The following CLEC9A variants were observed in gnomAD, a reference collection of about 807,000 sequenced individuals.
CLEC9A encodes C-type lectin domain containing 9A.
A neutral mutation model predicts 30.0 loss-of-function variants in CLEC9A; 24 were observed. That is an observed-to-expected ratio of 0.80 (90% CI 0.58 to 1.13). The LOEUF (loss-of-function observed/expected upper bound fraction) is 1.13. CLEC9A is among the 50% of genes most tolerant of loss of function. The pLI, the probability that CLEC9A is intolerant of heterozygous loss-of-function variation, is 0.00. For missense variants in CLEC9A, 251 were observed against 280.9 expected (o/e 0.89, Z 0.76); for synonymous variants, 111 against 96.8 (o/e 1.15, Z -0.86).
At chr12:10,052,463 C>G in intron 3 of CLEC9A, 167 bp from the exon 4 acceptor site, 1 of 1,213,952 alleles carries the variant, frequency 8.2e-7, no homozygotes, top group Non-Finnish European at 1.0e-6. Context: ...ATTCAGTTCT[C>G]TCTCATTTCC....
chr12:10,055,304 G>A (rs1179705671), intron 5 of CLEC9A, among the ~76,000 whole-genome samples: 2 of 152,076 alleles, frequency 1.3e-5, no homozygotes, highest in East Asian at 1.9e-4. Context: ...CGCTTTTTAA[G>A]AAGCACACAT....
chr12:10,056,154 C>G (rs1284316934), intron 5 of CLEC9A, among the ~76,000 whole-genome samples: 1 of 146,844 alleles, frequency 6.8e-6, no homozygotes. Context: ...TCTTCTCCAT[C>G]TAGTAAACGA....
chr12:10,045,501 G>T, intron 2 of CLEC9A: 1 of 234,830 alleles, frequency 4.3e-6, no homozygotes, highest in Admixed American at 4.1e-5. Flanking sequence ...GCTTTCTGAA[G>T]ATGGAAAAGG....
intron 2 of CLEC9A, among the ~76,000 whole-genome samples, chr12:10,048,321 G>A (rs1414723886): frequency 4.7e-5 from 7 of 148,814 alleles, no homozygotes; most frequent in East Asian, 2.0e-4. Context: ...GCAGTGAGCC[G>A]AGATCGCGAC....
At chr12:10,039,189 G>T (rs1042528975) in intron 1 of CLEC9A, among the ~76,000 whole-genome samples, 1 of 152,202 alleles carries the variant, frequency 6.6e-6, no homozygotes, top group Admixed American at 6.5e-5. Flanking sequence ...CATGGGGATG[G>T]TTGTCGGGCT....
intron 1 of CLEC9A, among the ~76,000 whole-genome samples, chr12:10,032,935 GCTTA>G (rs1404200770): frequency 1.3e-5 from 2 of 151,792 alleles, no homozygotes; most frequent in Non-Finnish European, 2.9e-5. Context: ...ATCTCTCTGT[GCTTA>G]CTGTTTCATC....
At chr12:10,033,032 C>A (rs1404687052) in intron 1 of CLEC9A, among the ~76,000 whole-genome samples, 5 of 152,054 alleles carry the variant, frequency 3.3e-5, no homozygotes, top group African/African-American at 1.2e-4. Flanking sequence ...TTAACCTCCA[C>A]ATGAACACAT....
At chr12:10,032,676 C>T (rs1289553521) in intron 1 of CLEC9A, among the ~76,000 whole-genome samples, 1 of 152,112 alleles carries the variant, frequency 6.6e-6, no homozygotes, top group African/African-American at 2.4e-5. Flanking sequence ...CAGGTGTGAG[C>T]CACCGCGCCC....
In CLEC9A at chr12:10,065,564, C is replaced by CT. The variant is rs1270606598; in HGVS notation, c.661dup (p.Ser221PhefsTer3). On this transcript the variant is annotated frameshift_variant, in exon 9 of 9. Transcript: ENST00000355819. LOFTEE classifies it low-confidence loss of function (END_TRUNC). ...TGGATACGTGAAAAGCAATTCCCTT[C>CT]TTTCGTCTAACTGCAGCACGTGGAA... The CT allele has an allele frequency of 1.2e-6, 2 of 1,613,966 alleles. No homozygotes were observed. The highest frequency in any genetic ancestry group is 3.3e-5 in the Admixed American group (2 of 59,996).
At chr12:10,040,098 T>C (rs1865779331) in intron 1 of CLEC9A, among the ~76,000 whole-genome samples, 1 of 152,216 alleles carries the variant, frequency 6.6e-6, no homozygotes, top group Admixed American at 6.5e-5. Flanking sequence ...TCTGGGATTA[T>C]AGGCATGAGT....
chr12:10,043,669 T>C (rs916871702), intron 2 of CLEC9A, among the ~76,000 whole-genome samples: 2 of 16,144 alleles, frequency 1.2e-4, no homozygotes, highest in African/African-American at 1.8e-4. Context: ...TGCATATATA[T>C]GTATATATAT....
At chr12:10,042,151 AT>A (rs1435105004) in intron 2 of CLEC9A, among the ~76,000 whole-genome samples, 1 of 152,210 alleles carries the variant, frequency 6.6e-6, no homozygotes, top group African/African-American at 2.4e-5. Flanking sequence ...TATTCATGCA[AT>A]TTTTTTGAGA....
chr12:10,057,008 T>A (rs909829053), intron 5 of CLEC9A, among the ~76,000 whole-genome samples: 2 of 152,146 alleles, frequency 1.3e-5, no homozygotes, highest in East Asian at 3.8e-4. Context: ...TTTATTGTTG[T>A]TGTTTTTAAA....
chr12:10,050,527 G>C (rs899499700), intron 2 of CLEC9A, among the ~76,000 whole-genome samples: 6 of 152,178 alleles, frequency 3.9e-5, no homozygotes, highest in African/African-American at 1.4e-4. Flanking sequence ...CTTGAAAATA[G>C]TACTCGGAAT....
chr12:10,055,080 T>C (rs1398040981), intron 5 of CLEC9A, among the ~76,000 whole-genome samples: 2 of 152,198 alleles, frequency 1.3e-5, no homozygotes, highest in Non-Finnish European at 2.9e-5. Context: ...TTGACCTTGC[T>C]TAGGTAATGT....
chr12:10,050,461 A>C (rs1028115902), intron 2 of CLEC9A, among the ~76,000 whole-genome samples: 1 of 152,270 alleles, frequency 6.6e-6, no homozygotes, highest in Admixed American at 6.5e-5. Flanking sequence ...TATACTAATG[A>C]TAGTGCCTAT....
chr12:10,042,858 A>G (rs1591886180), intron 2 of CLEC9A, among the ~76,000 whole-genome samples: 1 of 152,208 alleles, frequency 6.6e-6, no homozygotes, highest in East Asian at 1.9e-4. Context: ...AAGCTCACCA[A>G]TAATGTATTT....
chr12:10,054,016 T>C (rs1865917856), intron 4 of CLEC9A, among the ~76,000 whole-genome samples: 1 of 152,204 alleles, frequency 6.6e-6, no homozygotes, highest in Non-Finnish European at 1.5e-5. Flanking sequence ...AAGATAAGGA[T>C]AACAGAAGTA....
intron 2 of CLEC9A, among the ~76,000 whole-genome samples, chr12:10,042,684 T>A (rs950769465): frequency 6.6e-6 from 1 of 152,182 alleles, no homozygotes; most frequent in African/African-American, 2.4e-5. Flanking sequence ...TAGAGAAAAG[T>A]AAACCAGGAA....
Sources: allele counts gnomAD v4.1 joint callset (sites outside exome capture counted in the v4.1 genomes callset), GRCh38; gene constraint gnomAD v4.1.1; transcripts MANE v1.5; gene names NCBI Gene and HGNC (gene_info 2026-07-23, HGNC 2026-07-21).